SPOCK3: variants seen among roughly 807,000 people sequenced by gnomAD.
The protein encoded by SPOCK3 is testican-3.
Under a neutral mutation model 56.6 loss-of-function variants are expected in SPOCK3, and 30 were observed. The observed-to-expected ratio is 0.53, with a 90% CI of 0.40 to 0.72. The LOEUF is 0.72. Ranked by LOEUF, SPOCK3 falls within the 30% of genes least tolerant of loss-of-function variation. The pLI, the probability that SPOCK3 is intolerant of heterozygous loss-of-function variation, is 0.00. For synonymous variants in SPOCK3, 196 were observed against 183.3 expected, an observed-to-expected ratio of 1.07 and a Z score of -0.56; for missense variants, 527 against 530.0, an observed-to-expected ratio of 0.99 and a Z score of 0.06.
chr4:167,134,596 A>G (rs1210690846), intron 2 of SPOCK3, among the ~76,000 whole-genome samples: 1 of 152,186 alleles, frequency 6.6e-6, no homozygotes, highest in African/African-American at 2.4e-5. Flanking sequence ...GTATAATAAT[A>G]ATAAAAAAAG....
intron 2 of SPOCK3, among the ~76,000 whole-genome samples, chr4:167,209,477 A>C (rs905765906): frequency 1.6e-4 from 25 of 152,258 alleles, no homozygotes; most frequent in African/African-American, 6.0e-4. Flanking sequence ...TGGTATGGAA[A>C]TGAATCATGT....
chr4:167,119,201 G>T (rs1471066821), intron 2 of SPOCK3, among the ~76,000 whole-genome samples: 2 of 151,944 alleles, frequency 1.3e-5, no homozygotes, highest in African/African-American at 2.4e-5. Flanking sequence ...ATCTGTAATG[G>T]CAATTCTATA....
rs192506696 is a variant in SPOCK3, at chr4:166,744,457, C to A, written c.932-2398G>T. ...GCAGTAACATCGACAAAAAGGACAT[C>A]CACACCAAGACCGCATCTGTAGGTC... is the stretch of plus-strand genomic sequence containing the variant. On this transcript the variant is annotated intron_variant, in intron 8 of 10. Coordinates refer to ENST00000357545, the MANE Select transcript of SPOCK3 (RefSeq NM_001040159.2). Among the ~76,000 whole-genome samples the A allele has an allele frequency of 2.9e-3, 449 of 152,226 alleles. 7 individuals carry two copies. The highest frequency in any genetic ancestry group is 8.3e-3 in the African/African-American group (345 of 41,530).
In SPOCK3 at chr4:167,157,712, C is replaced by G. The variant is rs1040062183; in HGVS notation, c.189+76273G>C. On this transcript the variant is annotated intron_variant, in intron 2 of 10. Coordinates refer to ENST00000357545, the MANE Select transcript of SPOCK3 (RefSeq NM_001040159.2). ...ATTACCAATCCAGAGTTCTAAAAAG[C>G]ACACTTCTGGAAATGCTAGTGCAAT... 4.6e-5 allele frequency among the ~76,000 whole-genome samples: 7 copies of G among 151,168 alleles called. No homozygotes were observed. In the East Asian group the frequency reaches 1.4e-3, roughly 29 times the overall value.
rs796766427 is a variant in SPOCK3 at position 166,816,544 on chromosome 4, G to GT, written c.590-24256dup. On this transcript the variant is annotated intron_variant, in intron 6 of 10. Transcript: ENST00000357545. ...TTTTGCAGTCTGCCAAATTTGTTTT[G>GT]TTTTTTTTCCTTCAAGGACAAGCTT... Among the ~76,000 whole-genome samples the GT allele has an allele frequency of 4.0e-4, 61 of 151,706 alleles. No homozygotes were observed. In the East Asian group the frequency reaches 8.6e-3, roughly 21 times the overall value.
chr4:167,057,833 T>C (rs1162627879), intron 3 of SPOCK3, among the ~76,000 whole-genome samples: 1 of 152,050 alleles, frequency 6.6e-6, no homozygotes, highest in African/African-American at 2.4e-5. Flanking sequence ...CACACAATAA[T>C]AATGGGAGCC....
At chr4:166,746,043 C>T (rs902825223) in intron 8 of SPOCK3, among the ~76,000 whole-genome samples, 1 of 152,252 alleles carries the variant, frequency 6.6e-6, no homozygotes, top group East Asian at 1.9e-4. Context: ...TAATGGGAGA[C>T]TTTAACACCC....
intron 5 of SPOCK3, among the ~76,000 whole-genome samples, chr4:166,896,361 A>G (rs1035648748): frequency 6.6e-6 from 1 of 152,166 alleles, no homozygotes; most frequent in Admixed American, 6.5e-5. Flanking sequence ...AGCTGACACA[A>G]GGCAACTGAT....
At chr4:166,986,004 A>G (rs758171901) in intron 4 of SPOCK3, among the ~76,000 whole-genome samples, 3 of 152,190 alleles carry the variant, frequency 2.0e-5, no homozygotes, top group Non-Finnish European at 4.4e-5. Flanking sequence ...TCTGAATCAC[A>G]GAAACTGTAA....
chr4:167,206,809 C>T (rs1734384248), intron 2 of SPOCK3, among the ~76,000 whole-genome samples: 1 of 151,368 alleles, frequency 6.6e-6, no homozygotes, highest in South Asian at 2.1e-4. Context: ...ATTATCAAAA[C>T]TAAATGACTA....
intron 2 of SPOCK3, among the ~76,000 whole-genome samples, chr4:167,159,912 T>C (rs1475405038): frequency 6.6e-6 from 1 of 152,142 alleles, no homozygotes; most frequent in African/African-American, 2.4e-5. Context: ...GAGCTATCTA[T>C]GACAAACCTA....
At chr4:167,006,215 G>C (rs1446084805) in intron 3 of SPOCK3, among the ~76,000 whole-genome samples, 1 of 152,022 alleles carries the variant, frequency 6.6e-6, no homozygotes, top group African/African-American at 2.4e-5. Context: ...TTTATCCTAG[G>C]ATGTATAACT....
chr4:167,107,872 G>A (rs759076748), intron 2 of SPOCK3, among the ~76,000 whole-genome samples: 1 of 151,640 alleles, frequency 6.6e-6, no homozygotes, highest in Non-Finnish European at 1.5e-5. Context: ...AAATACCTAG[G>A]AATTAATTTA....
chr4:166,794,749 T>TC (rs1741741004), intron 6 of SPOCK3, among the ~76,000 whole-genome samples: 1 of 151,462 alleles, frequency 6.6e-6, no homozygotes, highest in East Asian at 1.9e-4. Flanking sequence ...TTCAAGAGAT[T>TC]CTCCTGCCTC....
At chr4:167,129,368 A>G (rs1359688651) in intron 2 of SPOCK3, among the ~76,000 whole-genome samples, 1 of 152,164 alleles carries the variant, frequency 6.6e-6, no homozygotes, top group Non-Finnish European at 1.5e-5. Flanking sequence ...AGCCCTGGGG[A>G]ATATTACTGG....
intron 4 of SPOCK3, among the ~76,000 whole-genome samples, chr4:166,993,022 C>T (rs1433490068): frequency 6.6e-6 from 1 of 152,082 alleles, no homozygotes; most frequent in East Asian, 1.9e-4. Flanking sequence ...TACCGATCAT[C>T]GATTTAAACC....
intron 4 of SPOCK3, among the ~76,000 whole-genome samples, chr4:166,928,622 A>T (rs892246924): frequency 2.4e-4 from 36 of 152,178 alleles, no homozygotes; most frequent in Non-Finnish European, 4.9e-4. Context: ...ATGTCATTTT[A>T]AATTTGTCCA....
At chr4:166,830,249 T>C (rs1041792219) in intron 6 of SPOCK3, among the ~76,000 whole-genome samples, 1 of 152,228 alleles carries the variant, frequency 6.6e-6, no homozygotes, top group Non-Finnish European at 1.5e-5. Context: ...AATTTGTTTT[T>C]TACATGAATT....
At chr4:167,165,150 G>C (rs577808199) in intron 2 of SPOCK3, among the ~76,000 whole-genome samples, 2 of 151,960 alleles carry the variant, frequency 1.3e-5, no homozygotes, top group Non-Finnish European at 2.9e-5. Flanking sequence ...CATAGGCATG[G>C]GCAAAGACTT....
Sources: gnomAD v4.1 joint callset for allele counts (sites outside exome capture counted in the v4.1 genomes callset) on GRCh38, gnomAD v4.1.1 for gene constraint, MANE v1.5 for transcripts, NCBI Gene and HGNC (gene_info 2026-07-23, HGNC 2026-07-21) for gene names.